The following SPRED3 variants were observed in gnomAD, a reference collection of about 807,000 sequenced individuals.
SPRED3 encodes the protein sprouty related EVH1 domain containing 3, also known as sprouty-related, EVH1 domain-containing protein 3.
In SPRED3, 23 loss-of-function variants were observed where a neutral mutation model predicts 37.6. The observed-to-expected ratio is 0.61, with a 90% confidence interval of 0.44 to 0.87. SPRED3 has a LOEUF of 0.87. Among genes scored for constraint, SPRED3 ranks in the 40% least tolerant of loss-of-function variants. SPRED3 has a pLI of 0.00. For missense variants in SPRED3, 584 were observed against 618.6 expected (o/e 0.94, Z 0.59); for synonymous variants, 302 against 279.6 (o/e 1.08, Z -0.80).
intron 4 of SPRED3, chr19:38,394,242 C>T: frequency 1.5e-6 from 2 of 1,356,168 alleles, no homozygotes; most frequent in Non-Finnish European, 2.0e-6. Context: ...AGGAAGGCAG[C>T]TGGCTGCCCA....
rs1301847541 is a variant in SPRED3 at position 38,396,116 on chromosome 19, G to A, written c.1204G>A (p.Gly402Arg). ...AGCGCGATGCGGCTGCGCCGGCTGC[G>A]GGGGTCGCCACGAGGAGGCTGCGCG... ...VAARCGCAGC[G>R]GRHEEAAR Residue 402 changes from glycine to arginine, a missense_variant, in exon 6 of 6, where the codon GGG becomes AGG. Gly to Arg is a moderately radical substitution (Grantham distance 125). Transcript: ENST00000691638. The A allele has an allele frequency of 1.6e-6, 2 of 1,285,312 alleles. No individual in the cohort carries two copies. Among genetic ancestry groups the A allele is most frequent in the Non-Finnish European group, 2.0e-6 (2 of 1,020,240 alleles). The allele number at this position is 1,285,312 out of a possible 1,614,324, so 79.6% of individuals were successfully genotyped here. A position where few individuals can be genotyped will look rare whatever the true frequency, so the allele number is the denominator to read the frequency against.
At chr19:38,392,418 T>C in intron 4 of SPRED3, 130 bp downstream of exon 4, 2 of 1,022,930 alleles carry the variant, frequency 2.0e-6, no homozygotes, top group Non-Finnish European at 2.7e-6. Flanking sequence ...GGGCCGGAAC[T>C]ATGAGTGTCA....
Position 38,394,763 on chromosome 19 carries a change from C to A in SPRED3, c.544C>A (p.Gln182Lys). 6.3e-7 allele frequency: 1 copy of A among 1,576,180 alleles called. No individual in the cohort carries two copies. The highest frequency in any genetic ancestry group is 8.6e-7 in the Non-Finnish European group (1 of 1,164,620). ...ASGFGPTTPPQRRRSSAQSYP... is the reference protein window; with the variant it reads ...ASGFGPTTPPKRRRSSAQSYP... ...AGGCTTCGGGCCGACCACGCCCCCC[C>A]AGCGCCGCCGCTCCTCCGCTCAGGT... is the stretch of plus-strand genomic sequence containing the variant. Residue 182 changes from glutamine to lysine, a missense_variant, in exon 5 of 6, where the codon CAG becomes AAG. Coordinates refer to ENST00000691638, the MANE Select transcript of SPRED3 (RefSeq NM_001394336.1).
In SPRED3 at chr19:38,395,839, C is replaced by T. The variant is rs1450747798; in HGVS notation, c.927C>T (p.Asp309=). The part of the protein sequence containing the change: ...HCRALFRRRA[D]GRGGRCAEAP... ...GCGCGCTCTTCCGTCGCAGAGCAGA[C>T]GGGCGTGGCGGCCGCTGCGCAGAGG... The change falls in exon 6 of 6, where the codon GAC becomes GAT. Residue 309 remains aspartate, a synonymous_variant. Transcript: ENST00000691638. This position sits in a 1 kb window ranked among gnomAD's most constrained non-coding sequence, Gnocchi z 5.2. 8 of 1,471,660 alleles carry T rather than the reference C, an allele frequency of 5.4e-6. No homozygotes were observed. The highest frequency in any genetic ancestry group is 7.1e-6 in the Non-Finnish European group (8 of 1,120,206). 91.2% of individuals were successfully genotyped at this position (1,471,660 alleles called of 1,614,324 possible).
In SPRED3 at chr19:38,398,084, G is replaced by A. The variant is rs1721932612; in HGVS notation, c.*1939G>A. ...TGCCCTCAGAAGAAGTGTGTGCAAT[G>A]GAAACTTTCAGGCTAGTTATGGCTC... On this transcript the variant is annotated 3_prime_UTR_variant, in exon 6 of 6. Transcript: ENST00000691638. 6.6e-6 allele frequency: 1 copy of A among 152,160 alleles called. No individual in the cohort carries two copies. The highest frequency in any genetic ancestry group is 2.4e-5 in the African/African-American group (1 of 41,400). The allele number at this position is 152,160 out of a possible 1,614,324, so 9.4% of individuals were successfully genotyped here.
At position 38,396,196 on chromosome 19, in the gene SPRED3, C is replaced by T. The variant is rs957657547; in HGVS notation, c.*51C>T. On this transcript the variant is annotated 3_prime_UTR_variant, in exon 6 of 6. Coordinates refer to ENST00000691638, the MANE Select transcript of SPRED3 (RefSeq NM_001394336.1). ...GGCCCGAGGACCCAAAATTGAGGGT[C>T]CAGGACCCCGGACTCCGTTCGGACC... The T allele has an allele frequency of 3.3e-6, 4 of 1,204,966 alleles. No homozygotes were observed. Among genetic ancestry groups the T allele is most frequent in the Admixed American group, 4.3e-5 (1 of 23,166 alleles). 74.6% of individuals were successfully genotyped at this position (1,204,966 alleles called of 1,614,324 possible). A position where few individuals can be genotyped will look rare whatever the true frequency, so the allele number is the denominator to read the frequency against.
chr19:38,393,440 C>G (rs1473821148), intron 4 of SPRED3, among the ~76,000 whole-genome samples: 1 of 151,460 alleles, frequency 6.6e-6, no homozygotes, highest in Non-Finnish European at 1.5e-5. Context: ...CTCCACCTCC[C>G]AGGTTCAAGG....
At position 38,388,700 on chromosome 19, in the gene SPRED3, T is replaced by C. The variant is rs1600510470; in HGVS notation, c.-112T>C. On this transcript the variant is annotated 5_prime_UTR_variant, in exon 1 of 6. Coordinates refer to ENST00000691638, the MANE Select transcript of SPRED3 (RefSeq NM_001394336.1). ...CCCCTCCCTCCCCCCTCGCCCCGGCTCCCGGTGCCCGTCTCCAGCGCCGCC... is the reference window on the plus strand; with the variant it reads ...CCCCTCCCTCCCCCCTCGCCCCGGCCCCCGGTGCCCGTCTCCAGCGCCGCC... 1 of 160,834 alleles carries C rather than the reference T, an allele frequency of 6.2e-6. No individual in the cohort carries two copies. The highest frequency in any genetic ancestry group is 3.8e-5 in the African/African-American group (1 of 26,110). The allele number at this position is 160,834 out of a possible 1,614,324, so 10.0% of individuals were successfully genotyped here.
Position 38,398,532 on chromosome 19 carries a change from G to A in SPRED3, c.*2387G>A, listed in dbSNP as rs945662879. The A allele has an allele frequency of 3.3e-5, 5 of 152,250 alleles. No individual in the cohort carries two copies. The highest frequency in any genetic ancestry group is 1.2e-4 in the African/African-American group (5 of 41,446). The allele number at this position is 152,250 out of a possible 1,614,324, so 9.4% of individuals were successfully genotyped here. Reference sequence around the variant, plus strand: ...ATTACAGGCATGAGCCACTGCACCTGGCTCTCTTCCACTTTAGAGTGAGAA... The same window carrying A: ...ATTACAGGCATGAGCCACTGCACCTAGCTCTCTTCCACTTTAGAGTGAGAA... On this transcript the variant is annotated 3_prime_UTR_variant, in exon 6 of 6. Coordinates refer to ENST00000691638, the MANE Select transcript of SPRED3 (RefSeq NM_001394336.1).
intron 5 of SPRED3, 119 bp downstream of exon 5, chr19:38,394,905 G>A: frequency 7.5e-7 from 1 of 1,328,744 alleles, no homozygotes; most frequent in Non-Finnish European, 9.9e-7. Context: ...TGGCTGACCT[G>A]ATAACTGGGC....
intron 2 of SPRED3, among the ~76,000 whole-genome samples, chr19:38,391,416 T>A (rs887507183): frequency 2.0e-5 from 3 of 151,822 alleles, no homozygotes; most frequent in African/African-American, 7.3e-5. Context: ...TATTGTGAGA[T>A]GTTCAGTAAA....
In SPRED3 at chr19:38,395,821, C is replaced by T; in HGVS notation, c.909C>T (p.Leu303=). The T allele has an allele frequency of 6.8e-7, 1 of 1,465,404 alleles. No individual in the cohort carries two copies. The highest frequency in any genetic ancestry group is 9.0e-7 in the Non-Finnish European group (1 of 1,116,832). 90.8% of individuals were successfully genotyped at this position (1,465,404 alleles called of 1,614,324 possible). The part of the protein sequence containing the change: ...EAARCVHCRA[L]FRRRADGRGG... The stretch of plus-strand genomic sequence containing the variant: ...CGCGCTGCGTGCATTGCCGCGCGCT[C>T]TTCCGTCGCAGAGCAGACGGGCGTG... Residue 303 remains leucine (L), a synonymous_variant, in exon 6 of 6, where the codon CTC becomes CTT. Coordinates refer to ENST00000691638, the MANE Select transcript of SPRED3 (RefSeq NM_001394336.1). The surrounding 1 kb of genome is among the most constrained non-coding windows in gnomAD (Gnocchi z 5.2).
chr19:38,390,023 G>C (rs1431309047), intron 1 of SPRED3: 3 of 319,142 alleles, frequency 9.4e-6, no homozygotes, highest in African/African-American at 6.7e-5. Flanking sequence ...TGGGGGTGGG[G>C]ACGGAGAGAT....
intron 1 of SPRED3, 63 bp from the exon 2 acceptor site, chr19:38,390,236 A>G: frequency 7.6e-7 from 1 of 1,312,480 alleles, no homozygotes; most frequent in Non-Finnish European, 9.8e-7. Flanking sequence ...GGAACATTCC[A>G]TGGGAGAGCA....
rs1036638816 is a variant in SPRED3, at chr19:38,395,864, G to C, written c.952G>C (p.Ala318Pro). Reference sequence around the variant, plus strand: ...CGGGCGTGGCGGCCGCTGCGCAGAGGCCCCGGACCCGGGTCGCCTCCTGGT... The same window carrying C: ...CGGGCGTGGCGGCCGCTGCGCAGAGCCCCCGGACCCGGGTCGCCTCCTGGT... ...ADGRGGRCAE[A>P]PDPGRLLVRR... Residue 318 changes from alanine to proline, a missense_variant, in exon 6 of 6, where the codon GCC (alanine) becomes CCC (proline). By Grantham distance (27) the Ala-to-Pro change is conservative. Coordinates refer to ENST00000691638, the MANE Select transcript of SPRED3 (RefSeq NM_001394336.1). The surrounding 1 kb of genome is among the most constrained non-coding windows in gnomAD (Gnocchi z 5.2). The C allele has an allele frequency of 1.3e-6, 2 of 1,488,092 alleles. No individual in the cohort carries two copies. The highest frequency in any genetic ancestry group is 1.5e-5 in the African/African-American group (1 of 68,712). The allele number at this position is 1,488,092 out of a possible 1,614,324, so 92.2% of individuals were successfully genotyped here.
At chr19:38,389,753 G>C (rs1024272767) in intron 1 of SPRED3, 1 of 116,074 alleles carries the variant, frequency 8.6e-6, no homozygotes, top group Non-Finnish European at 1.6e-5. Flanking sequence ...CTTTGCATCC[G>C]GTCTCATTCA....
In SPRED3 at chr19:38,390,429, GC is replaced by G. The variant is rs777573843; in HGVS notation, c.130del (p.Arg44AlafsTer23). ...RVRGARPEGGARQGHYVIHGE... is the reference protein window; with the variant it reads ...RVRGARPEGGXRQGHYVIHGE... ...CCGAGGGGCCAGGCCCGAGGGGGGGGCCCGCCAGGGGCACTACGTCATCCAC... is the reference window on the plus strand; with the variant it reads ...CCGAGGGGCCAGGCCCGAGGGGGGGGCCGCCAGGGGCACTACGTCATCCAC... On this transcript the variant is annotated frameshift_variant, in exon 2 of 6. Transcript: ENST00000691638. LOFTEE classifies it high-confidence loss of function. 2.1e-6 allele frequency: 3 copies of G among 1,399,568 alleles called. No individual in the cohort carries two copies. Among genetic ancestry groups the G allele is most frequent in the Admixed American group, 3.2e-5 (1 of 30,836 alleles). 86.7% of individuals were successfully genotyped at this position (1,399,568 alleles called of 1,614,324 possible).
rs929493887 is a variant in SPRED3 at position 38,397,774 on chromosome 19, G to T, written c.*1629G>T. On this transcript the variant is annotated 3_prime_UTR_variant, in exon 6 of 6. Transcript: ENST00000691638. ...GGATCCCTACCATTTGGAACTCATTGTAGGACCACCCAGGGTGGGGCACAG... is the reference window on the plus strand; with the variant it reads ...GGATCCCTACCATTTGGAACTCATTTTAGGACCACCCAGGGTGGGGCACAG... The T allele has an allele frequency of 6.6e-6, 1 of 152,122 alleles. No homozygotes were observed. Among genetic ancestry groups the T allele is most frequent in the Non-Finnish European group, 1.5e-5 (1 of 68,028 alleles). 9.4% of individuals were successfully genotyped at this position (152,122 alleles called of 1,614,324 possible).
At chr19:38,390,203 T>C in intron 1 of SPRED3, 96 bp from the exon 2 acceptor site, 1 of 1,211,508 alleles carries the variant, frequency 8.3e-7, no homozygotes, top group Non-Finnish European at 1.1e-6. Flanking sequence ...AGAGATGAAG[T>C]TGGAGGGGAG....
Sources: allele counts gnomAD v4.1 joint callset (sites outside exome capture counted in the v4.1 genomes callset), GRCh38; gene constraint gnomAD v4.1.1; non-coding constraint Gnocchi (gnomAD v3.1); transcripts MANE v1.5; gene names NCBI Gene and HGNC (gene_info 2026-07-23, HGNC 2026-07-21).